PBX3: variants seen among roughly 807,000 people sequenced by gnomAD.
PBX3 encodes the protein PBX homeobox 3, also known as pre-B-cell leukemia transcription factor 3.
PBX3 carries 14 observed loss-of-function variants against 48.5 expected under a neutral mutation model. The ratio of observed to expected loss-of-function variants is 0.29; its 90% CI spans 0.19 to 0.45. The LOEUF is 0.45. Ranked by LOEUF, PBX3 falls within the 20% of genes least tolerant of loss-of-function variation. The pLI is 1.00. For missense variants in PBX3, 386 were observed against 546.7 expected (o/e 0.71, Z 2.93); for synonymous variants, 210 against 200.3 (o/e 1.05, Z -0.41).
chr9:125,814,947 A>G (rs900958807), intron 2 of PBX3, among the ~76,000 whole-genome samples: 1 of 152,176 alleles, frequency 6.6e-6, no homozygotes, highest in African/African-American at 2.4e-5. Context: ...AGCCTGAAGG[A>G]TTAGGGAATT....
At chr9:125,790,915 AT>A (rs762775562) in intron 2 of PBX3, among the ~76,000 whole-genome samples, 423 of 133,764 alleles carry the variant, frequency 3.2e-3, no homozygotes, top group Middle Eastern at 4.2e-3. Flanking sequence ...TTACCCTAAT[AT>A]TTTTTTTTTT....
At chr9:125,779,914 C>CA (rs1837201931) in intron 2 of PBX3, among the ~76,000 whole-genome samples, 1 of 112,666 alleles carries the variant, frequency 8.9e-6, no homozygotes, top group Non-Finnish European at 1.8e-5. Context: ...CCCTCCCGGA[C>CA]GGGGCGTCTG....
At chr9:125,833,513 C>T (rs1315589329) in intron 2 of PBX3, among the ~76,000 whole-genome samples, 5 of 151,864 alleles carry the variant, frequency 3.3e-5, no homozygotes, top group Admixed American at 2.6e-4. Context: ...TGTTTTATTG[C>T]TGAATCCTTA....
chr9:125,859,728 G>C (rs1839813350), intron 2 of PBX3, among the ~76,000 whole-genome samples: 1 of 152,194 alleles, frequency 6.6e-6, no homozygotes, highest in Non-Finnish European at 1.5e-5. Context: ...GGAATTCCTA[G>C]ACAGTATTGG....
At chr9:125,765,372 A>T (rs1338944229) in intron 2 of PBX3, among the ~76,000 whole-genome samples, 1 of 151,686 alleles carries the variant, frequency 6.6e-6, no homozygotes, top group Non-Finnish European at 1.5e-5. Context: ...CTGGTCTTAA[A>T]CTCCTGAGCT....
At chr9:125,805,258 G>A (rs1406498013) in intron 2 of PBX3, among the ~76,000 whole-genome samples, 2 of 152,088 alleles carry the variant, frequency 1.3e-5, no homozygotes, top group African/African-American at 4.8e-5. Flanking sequence ...TTGGACTTGA[G>A]GAACAGAGTG....
intron 2 of PBX3, among the ~76,000 whole-genome samples, chr9:125,822,555 T>A (rs778216421): frequency 2.0e-5 from 3 of 152,208 alleles, no homozygotes; most frequent in Non-Finnish European, 4.4e-5. Flanking sequence ...AATGTGTATA[T>A]TTCTTTACGT....
intron 2 of PBX3, among the ~76,000 whole-genome samples, chr9:125,897,147 T>TTTG (rs1554725499): frequency 6.8e-5 from 10 of 146,334 alleles, no homozygotes; most frequent in African/African-American, 2.0e-4. Flanking sequence ...TGTGGTTTTT[T>TTTG]TTTTTTTTTT....
At chr9:125,770,444 T>G (rs1214882986) in intron 2 of PBX3, among the ~76,000 whole-genome samples, 2 of 152,164 alleles carry the variant, frequency 1.3e-5, no homozygotes, top group Non-Finnish European at 2.9e-5. Context: ...TTTTTGCTCC[T>G]CAATGAAAAA....
At chr9:125,925,207 A>G (rs767025316) in intron 3 of PBX3, among the ~76,000 whole-genome samples, 3 of 152,204 alleles carry the variant, frequency 2.0e-5, no homozygotes, top group African/African-American at 4.8e-5. Flanking sequence ...AAATTTTAAA[A>G]TATATCAAAG....
rs541052673 is a variant in PBX3 at position 125,748,121 on chromosome 9, A to G, written c.201-429A>G. On this transcript the variant is annotated intron_variant, in intron 1 of 8. Coordinates refer to ENST00000373489, the MANE Select transcript of PBX3 (RefSeq NM_006195.6). ...CTGGCGGGTCCGGGTGCGGACGGCC[A>G]AGTTCTCGGAGAGGGAGGGCCGCCT... 4.0e-4 allele frequency: 205 copies of G among 506,974 alleles called. 3 individuals are homozygous for G. In the South Asian group the frequency reaches 0.016, roughly 40 times the overall value. The allele number at this position is 506,974 out of a possible 1,614,324, so 31.4% of individuals were successfully genotyped here. A position where few individuals can be genotyped will look rare whatever the true frequency, so the allele number is the denominator to read the frequency against.
intron 2 of PBX3, among the ~76,000 whole-genome samples, chr9:125,761,683 A>G (rs1836671519): frequency 6.6e-6 from 1 of 152,178 alleles, no homozygotes; most frequent in African/African-American, 2.4e-5. Flanking sequence ...ATAGAAAGAT[A>G]CTAAGAACAG....
At chr9:125,772,404 C>A (rs1480957374) in intron 2 of PBX3, among the ~76,000 whole-genome samples, 1 of 152,074 alleles carries the variant, frequency 6.6e-6, no homozygotes, top group African/African-American at 2.4e-5. Context: ...TACAGGCAGA[C>A]AATTCTAATT....
chr9:125,773,730 TGTTC>T (rs1226200505), intron 2 of PBX3, among the ~76,000 whole-genome samples: 1 of 152,184 alleles, frequency 6.6e-6, no homozygotes, highest in Non-Finnish European at 1.5e-5. Flanking sequence ...TCGTAGCATA[TGTTC>T]GTTATCAACT....
chr9:125,750,922 C>CAG (rs1836357100), intron 2 of PBX3, among the ~76,000 whole-genome samples: 1 of 152,178 alleles, frequency 6.6e-6, no homozygotes, highest in Non-Finnish European at 1.5e-5. Flanking sequence ...TAGAATGAGA[C>CAG]AGGGACTCAG....
At chr9:125,774,862 A>T (rs1837029953) in intron 2 of PBX3, among the ~76,000 whole-genome samples, 1 of 151,592 alleles carries the variant, frequency 6.6e-6, no homozygotes, top group African/African-American at 2.4e-5. Flanking sequence ...AGCCATGTAC[A>T]GGGTTCCAGT....
In PBX3 at chr9:125,967,040, A is replaced by G. The variant is rs1304146763; in HGVS notation, c.*1117A>G. 1 of 152,528 alleles carries G rather than the reference A, an allele frequency of 6.6e-6. No homozygotes were observed. Among genetic ancestry groups the G allele is most frequent in the Admixed American group, 6.5e-5 (1 of 15,270 alleles). The allele number at this position is 152,528 out of a possible 1,614,324, so 9.4% of individuals were successfully genotyped here. A position where few individuals can be genotyped will look rare whatever the true frequency, so the allele number is the denominator to read the frequency against. On this transcript the variant is annotated 3_prime_UTR_variant, in exon 9 of 9. Transcript: ENST00000373489. The stretch of plus-strand genomic sequence containing the variant: ...ACACAGGATCGGTAAAACTGTTGTA[A>G]ATACTGAGAAACATTTTGAATGTTC...
intron 2 of PBX3, among the ~76,000 whole-genome samples, chr9:125,784,807 A>T (rs1837417821): frequency 6.7e-6 from 1 of 149,502 alleles, no homozygotes; most frequent in Non-Finnish European, 1.5e-5. Flanking sequence ...ATCACTTGGT[A>T]AGGTCATTTA....
intron 2 of PBX3, among the ~76,000 whole-genome samples, chr9:125,884,649 A>G (rs536563048): frequency 2.0e-5 from 3 of 152,360 alleles, no homozygotes; most frequent in South Asian, 4.1e-4. Flanking sequence ...AATGTAGGAA[A>G]GACTGAGACT....
Sources: allele counts gnomAD v4.1 joint callset (sites outside exome capture counted in the v4.1 genomes callset), GRCh38; gene constraint gnomAD v4.1.1; transcripts MANE v1.5; gene names NCBI Gene and HGNC (gene_info 2026-07-23, HGNC 2026-07-21).